SOX5: variants seen among roughly 807,000 people sequenced by gnomAD.
The protein encoded by SOX5 is transcription factor SOX-5.
In SOX5, 9 loss-of-function variants were observed where a neutral mutation model predicts 92.0. The observed-to-expected ratio is 0.10, with a 90% CI of 0.06 to 0.17. The LOEUF (loss-of-function observed/expected upper bound fraction) is 0.17, where lower values mean the gene tolerates loss of function less well. Among genes scored for constraint, SOX5 ranks in the 10% least tolerant of loss-of-function variants. The pLI is 1.00. For synonymous variants in SOX5, 344 were observed against 336.3 expected (o/e 1.02, Z -0.25); for missense variants, 642 against 944.5 (o/e 0.68, Z 4.20).
At chr12:24,486,151 A>T (rs1946498809) in intron 1 of SOX5, among the ~76,000 whole-genome samples, 1 of 152,088 alleles carries the variant, frequency 6.6e-6, no homozygotes, top group Non-Finnish European at 1.5e-5. Flanking sequence ...TGCCCAGGCC[A>T]GTCTCGAACT....
chr12:23,964,139 C>T (rs1947281830), intron 4 of SOX5, among the ~76,000 whole-genome samples: 1 of 151,962 alleles, frequency 6.6e-6, no homozygotes, highest in South Asian at 2.1e-4. Flanking sequence ...CAAAATAATC[C>T]TAAATGGCTC....
At chr12:24,405,878 T>C (rs1376465131) in intron 1 of SOX5, among the ~76,000 whole-genome samples, 1 of 152,150 alleles carries the variant, frequency 6.6e-6, no homozygotes, top group Non-Finnish European at 1.5e-5. Flanking sequence ...TAAGAGGCTA[T>C]TGGATAGAGC....
At chr12:24,521,604 A>T (rs1249471653) in intron 1 of SOX5, among the ~76,000 whole-genome samples, 2 of 152,208 alleles carry the variant, frequency 1.3e-5, no homozygotes, top group African/African-American at 4.8e-5. Context: ...AGTCATTCAA[A>T]ATTATCTTTT....
At chr12:24,412,130 C>T (rs1020863820) in intron 1 of SOX5, among the ~76,000 whole-genome samples, 1 of 151,948 alleles carries the variant, frequency 6.6e-6, no homozygotes, top group African/African-American at 2.4e-5. Context: ...CGTATCGTAT[C>T]GATACGATCG....
intron 6 of SOX5, among the ~76,000 whole-genome samples, chr12:23,724,104 T>C (rs1041274063): frequency 5.9e-5 from 9 of 152,188 alleles, no homozygotes; most frequent in African/African-American, 2.2e-4. Flanking sequence ...TAAAAAAATA[T>C]CCTGCCACAT....
At chr12:23,829,919 T>A (rs1307311749) in intron 3 of SOX5, among the ~76,000 whole-genome samples, 1 of 152,102 alleles carries the variant, frequency 6.6e-6, no homozygotes, top group African/African-American at 2.4e-5. Flanking sequence ...CTGGGACAAA[T>A]GATTTTCTTA....
At chr12:23,721,695 A>G (rs1301172322) in intron 6 of SOX5, among the ~76,000 whole-genome samples, 1 of 152,202 alleles carries the variant, frequency 6.6e-6, no homozygotes, top group Non-Finnish European at 1.5e-5. Flanking sequence ...AAACATTAGT[A>G]GTCAATTCTA....
intron 6 of SOX5, among the ~76,000 whole-genome samples, chr12:23,669,130 G>GCTCT (rs2084344361): frequency 6.6e-6 from 1 of 152,124 alleles, no homozygotes; most frequent in South Asian, 2.1e-4. Flanking sequence ...ATACATGGAT[G>GCTCT]CTCTCTAGGA....
intron 3 of SOX5, among the ~76,000 whole-genome samples, chr12:23,831,955 AC>A (rs2096330412): frequency 7.8e-5 from 1 of 12,826 alleles, no homozygotes; most frequent in Admixed American, 1.1e-3. Flanking sequence ...TGAAAGGGGA[AC>A]TACACACACA....
At chr12:23,984,671 G>C (rs149859823) in intron 4 of SOX5, among the ~76,000 whole-genome samples, 8 of 152,266 alleles carry the variant, frequency 5.3e-5, no homozygotes, top group African/African-American at 1.9e-4. Flanking sequence ...ATTTGAATGA[G>C]AGAAGAGTTG....
chr12:24,424,210 G>A (rs944504910), intron 1 of SOX5, among the ~76,000 whole-genome samples: 2 of 152,058 alleles, frequency 1.3e-5, no homozygotes, highest in East Asian at 1.9e-4. Context: ...AATAGATAAA[G>A]GACTGCCTGA....
rs1300092478 is a variant in SOX5 at position 24,368,640 on chromosome 12, C to G, written c.-250-1G>C. The G allele has an allele frequency of 6.6e-6, 1 of 152,146 alleles. No homozygotes were observed. Among genetic ancestry groups the G allele is most frequent in the Non-Finnish European group, 1.5e-5 (1 of 68,038 alleles). 9.4% of individuals were successfully genotyped at this position (152,146 alleles called of 1,614,324 possible). A position where few individuals can be genotyped will look rare whatever the true frequency, so the allele number is the denominator to read the frequency against. On this transcript the variant is annotated splice_acceptor_variant, in intron 1 of 4. Coordinates refer to the SOX5 transcript ENST00000446891. LOFTEE classifies it low-confidence loss of function (5UTR_SPLICE). ...GGGTCACCAATGGCCAGCACAGCAC[C>G]TGGGATATAACACACACCCCATAAA...
chr12:24,340,379 C>A (rs1952440452), intron 2 of SOX5, among the ~76,000 whole-genome samples: 1 of 152,196 alleles, frequency 6.6e-6, no homozygotes, highest in African/African-American at 2.4e-5. Context: ...AGCATTGGCA[C>A]CCAACTTGCT....
chr12:24,366,996 T>C (rs1383060124), intron 2 of SOX5, among the ~76,000 whole-genome samples: 1 of 152,146 alleles, frequency 6.6e-6, no homozygotes, highest in Non-Finnish European at 1.5e-5. Flanking sequence ...AGCCATGTAG[T>C]TAAGTTTCAT....
intron 4 of SOX5, among the ~76,000 whole-genome samples, chr12:24,209,163 G>A (rs1480042376): frequency 1.3e-5 from 2 of 152,164 alleles, no homozygotes; most frequent in Non-Finnish European, 2.9e-5. Flanking sequence ...AGGTACTGGA[G>A]AAGGGAATCA....
intron 2 of SOX5, among the ~76,000 whole-genome samples, chr12:23,870,427 T>G (rs1304704551): frequency 1.3e-5 from 2 of 152,042 alleles, no homozygotes; most frequent in South Asian, 2.1e-4. Flanking sequence ...AAAAAAATAT[T>G]TTTACTCTCC....
At chr12:23,653,072 A>ATGGATGGG (rs2081878787) in intron 7 of SOX5, among the ~76,000 whole-genome samples, 1 of 143,262 alleles carries the variant, frequency 7.0e-6, no homozygotes, top group East Asian at 2.1e-4. Flanking sequence ...GGATGGATGG[A>ATGGATGGG]TGGGTGGATG....
chr12:23,826,740 G>A (rs1831844401), intron 3 of SOX5, among the ~76,000 whole-genome samples: 1 of 152,040 alleles, frequency 6.6e-6, no homozygotes, highest in African/African-American at 2.4e-5. Context: ...CTCCAAATGG[G>A]AGAGGGTGCA....
intron 4 of SOX5, among the ~76,000 whole-genome samples, chr12:23,966,591 T>C (rs939335156): frequency 5.3e-5 from 8 of 152,162 alleles, no homozygotes; most frequent in Non-Finnish European, 1.2e-4. Context: ...TATATTGATT[T>C]AGATTAAAAA....
Sources: allele counts gnomAD v4.1 joint callset (sites outside exome capture counted in the v4.1 genomes callset), GRCh38; gene constraint gnomAD v4.1.1; transcripts MANE v1.5; gene names NCBI Gene and HGNC (gene_info 2026-07-23, HGNC 2026-07-21).